The following GPR158 variants were observed in gnomAD, a reference collection of about 807,000 sequenced individuals.
GPR158 encodes G protein-coupled receptor 158.
Under a neutral mutation model 78.2 loss-of-function variants are expected in GPR158, and 30 were observed. The observed-to-expected ratio is 0.38, with a 90% confidence interval of 0.29 to 0.52. The LOEUF is 0.52. GPR158 is among the 20% of genes least tolerant of loss of function. The pLI is 0.83. For missense variants in GPR158, 1,463 were observed against 1,523.5 expected, an observed-to-expected ratio of 0.96 and a Z score of 0.66; for synonymous variants, 581 against 591.1, an observed-to-expected ratio of 0.98 and a Z score of 0.25.
At chr10:25,322,015 CTT>C (rs1405654696) in intron 2 of GPR158, among the ~76,000 whole-genome samples, 1 of 152,036 alleles carries the variant, frequency 6.6e-6, no homozygotes, top group Non-Finnish European at 1.5e-5. Context: ...TTTAATAGGT[CTT>C]TTAATAGATT....
chr10:25,500,091 T>C (rs1203919775), intron 5 of GPR158, among the ~76,000 whole-genome samples: 1 of 152,266 alleles, frequency 6.6e-6, no homozygotes, highest in African/African-American at 2.4e-5. Flanking sequence ...GTGAATTTTC[T>C]TTTCACTTAC....
intron 4 of GPR158, among the ~76,000 whole-genome samples, chr10:25,464,169 A>G (rs1417027819): frequency 6.6e-6 from 1 of 152,184 alleles, no homozygotes; most frequent in African/African-American, 2.4e-5. Flanking sequence ...AACAATTACA[A>G]ATGAAAAGGA....
intron 2 of GPR158, among the ~76,000 whole-genome samples, chr10:25,371,814 A>C (rs556627510): frequency 7.4e-6 from 1 of 134,800 alleles, no homozygotes; most frequent in Non-Finnish European, 1.6e-5. Context: ...TTCATGTCTA[A>C]AACACCAAAA....
intron 2 of GPR158, among the ~76,000 whole-genome samples, chr10:25,304,971 T>G (rs1250251392): frequency 6.6e-6 from 1 of 152,230 alleles, no homozygotes; most frequent in Non-Finnish European, 1.5e-5. Flanking sequence ...ACATTCTGCC[T>G]TTCTATAGCC....
intron 2 of GPR158, among the ~76,000 whole-genome samples, chr10:25,255,982 C>T (rs975948357): frequency 6.6e-6 from 1 of 152,142 alleles, no homozygotes; most frequent in Non-Finnish European, 1.5e-5. Flanking sequence ...CTACCTTCTG[C>T]ATATGCCATA....
At chr10:25,365,436 C>A (rs971086869) in intron 2 of GPR158, among the ~76,000 whole-genome samples, 2 of 151,600 alleles carry the variant, frequency 1.3e-5, no homozygotes, top group South Asian at 2.1e-4. Flanking sequence ...AAAAACCCTG[C>A]AAAATTTCAC....
intron 3 of GPR158, among the ~76,000 whole-genome samples, chr10:25,410,905 T>G (rs1406299344): frequency 1.3e-5 from 2 of 152,204 alleles, no homozygotes; most frequent in Non-Finnish European, 2.9e-5. Flanking sequence ...ATAGAAAGAT[T>G]GTGAATTCTT....
At chr10:25,273,451 T>G (rs549167229) in intron 2 of GPR158, among the ~76,000 whole-genome samples, 35 of 151,394 alleles carry the variant, frequency 2.3e-4, no homozygotes. Context: ...GATTTTTGGT[T>G]GTTTTCCCAT....
intron 5 of GPR158, among the ~76,000 whole-genome samples, chr10:25,503,224 A>G (rs544771179): frequency 4.4e-4 from 66 of 151,448 alleles, no homozygotes; most frequent in Admixed American, 1.3e-3. Context: ...AAAAAAAATT[A>G]TAATCAACCG....
At chr10:25,439,210 C>G (rs1319213150) in intron 4 of GPR158, among the ~76,000 whole-genome samples, 3 of 152,174 alleles carry the variant, frequency 2.0e-5, no homozygotes, top group African/African-American at 4.8e-5. Flanking sequence ...TTGGGGAGGC[C>G]TCACAATCAT....
chr10:25,422,856 C>CCT (rs901201621), intron 4 of GPR158, among the ~76,000 whole-genome samples: 2 of 147,392 alleles, frequency 1.4e-5, no homozygotes, highest in Non-Finnish European at 3.0e-5. Flanking sequence ...CCTTACCCCC[C>CCT]CCACACTTTC....
intron 2 of GPR158, among the ~76,000 whole-genome samples, chr10:25,375,407 G>C (rs989767710): frequency 1.3e-5 from 2 of 151,362 alleles, no homozygotes; most frequent in Non-Finnish European, 3.0e-5. Context: ...TTTATGAATT[G>C]TGTTTCTGAT....
intron 1 of GPR158, among the ~76,000 whole-genome samples, chr10:25,181,463 T>C (rs529464137): frequency 1.5e-4 from 23 of 152,212 alleles, no homozygotes; most frequent in Non-Finnish European, 2.9e-4. Flanking sequence ...GTAACTTATA[T>C]AGAGGTTTAG....
chr10:25,598,647 T>C lies in GPR158; in HGVS notation c.3021T>C (p.Cys1007=), dbSNP rs1192126583. The C allele has an allele frequency of 6.2e-7, 1 of 1,613,962 alleles. No homozygotes were observed. The highest frequency in any genetic ancestry group is 1.3e-5 in the African/African-American group (1 of 74,880). The change falls in exon 11 of 11, where the codon TGT becomes TGC. Residue 1007 remains cysteine, a synonymous_variant. Transcript: ENST00000376351. ...ACAACTTTGACATTGGGGAGGTGTG[T>C]CCTTGGGAGGTTTATGACCTGACCC... The part of the protein sequence containing the change: ...MKDNFDIGEV[C]PWEVYDLTPG...
intron 7 of GPR158, among the ~76,000 whole-genome samples, chr10:25,578,991 CAG>C (rs1837146633): frequency 6.6e-6 from 1 of 151,534 alleles, no homozygotes; most frequent in South Asian, 2.1e-4. Flanking sequence ...CCTGGGTAAA[CAG>C]AGCAAGACTC....
At chr10:25,415,062 A>T (rs1328901668) in intron 4 of GPR158, among the ~76,000 whole-genome samples, 1 of 152,098 alleles carries the variant, frequency 6.6e-6, no homozygotes, top group African/African-American at 2.4e-5. Context: ...GAGAGTAAAA[A>T]CCCAAGAAAC....
intron 7 of GPR158, among the ~76,000 whole-genome samples, chr10:25,587,582 A>G (rs1054181994): frequency 2.0e-5 from 3 of 152,208 alleles, no homozygotes; most frequent in Non-Finnish European, 4.4e-5. Context: ...GAAATTATAC[A>G]TGAAAATCTC....
chr10:25,492,900 A>G (rs954071086), intron 5 of GPR158, among the ~76,000 whole-genome samples: 1 of 148,520 alleles, frequency 6.7e-6, no homozygotes, highest in African/African-American at 2.4e-5. Context: ...ATATTAATAT[A>G]TTAATATATA....
chr10:25,262,789 G>A (rs1282963142), intron 2 of GPR158, among the ~76,000 whole-genome samples: 1 of 152,190 alleles, frequency 6.6e-6, no homozygotes, highest in Non-Finnish European at 1.5e-5. Flanking sequence ...TACTATAGAT[G>A]TTGGCAAAAG....
Sources: gnomAD v4.1 joint callset for allele counts (sites outside exome capture counted in the v4.1 genomes callset) on GRCh38, gnomAD v4.1.1 for gene constraint, MANE v1.5 for transcripts, NCBI Gene and HGNC (gene_info 2026-07-23, HGNC 2026-07-21) for gene names.